Variants in SPP2 observed in about 807,000 individuals in gnomAD.
SPP2 encodes the protein secreted phosphoprotein 24.
A neutral mutation model predicts 28.8 loss-of-function variants in SPP2; 34 were observed. That is an observed-to-expected ratio of 1.18 (90% confidence interval 0.90 to 1.57). The LOEUF is 1.57. SPP2 is among the 40% of genes most tolerant of loss of function. The pLI is 0.00. For missense variants in SPP2, 269 were observed against 263.9 expected (o/e 1.02, Z -0.13); for synonymous variants, 96 against 89.4 (o/e 1.07, Z -0.42).
intron 4 of SPP2, among the ~76,000 whole-genome samples, chr2:234,063,909 G>C (rs938646585): frequency 6.6e-6 from 1 of 152,186 alleles, no homozygotes; most frequent in African/African-American, 2.4e-5. Context: ...TACGGGAGGG[G>C]TGACGGGCAT....
At chr2:234,062,541 G>C (rs1693740941) in intron 4 of SPP2, among the ~76,000 whole-genome samples, 1 of 151,646 alleles carries the variant, frequency 6.6e-6, no homozygotes, top group African/African-American at 2.4e-5. Context: ...AAGACAAAGG[G>C]GCTATGAAAG....
intron 2 of SPP2, among the ~76,000 whole-genome samples, chr2:234,057,291 A>G (rs555325748): frequency 9.2e-5 from 14 of 151,994 alleles, no homozygotes; most frequent in Admixed American, 5.9e-4. Context: ...GACACGCTCC[A>G]TCTCTCCAAA....
chr2:234,063,643 C>G (rs906484319), intron 4 of SPP2, among the ~76,000 whole-genome samples: 4 of 152,078 alleles, frequency 2.6e-5, no homozygotes, highest in Non-Finnish European at 5.9e-5. Context: ...AAAAGCTTTC[C>G]TTATGGTGCA....
intron 6 of SPP2, 32 bp downstream of exon 6, chr2:234,067,306 A>T (rs1487383810): frequency 6.2e-7 from 1 of 1,609,452 alleles, no homozygotes; most frequent in Non-Finnish European, 8.5e-7. Context: ...GTGCCACCAG[A>T]CCCTTTTCTG....
chr2:234,063,042 C>T (rs192820303), intron 4 of SPP2, among the ~76,000 whole-genome samples: 65 of 151,988 alleles, frequency 4.3e-4, no homozygotes, highest in African/African-American at 1.6e-3. Context: ...AAAAATTCTA[C>T]AATTTGAAAG....
chr2:234,068,432 G>T (rs1019582302), intron 6 of SPP2, among the ~76,000 whole-genome samples: 1 of 152,144 alleles, frequency 6.6e-6, no homozygotes, highest in Non-Finnish European at 1.5e-5. Context: ...GAAGAACTGC[G>T]AAATCCACCT....
intron 6 of SPP2, among the ~76,000 whole-genome samples, chr2:234,069,190 G>A (rs1476465847): frequency 8.3e-6 from 1 of 121,172 alleles, no homozygotes; most frequent in East Asian, 2.4e-4. Flanking sequence ...TTATTTGAGA[G>A]AAAGAGAGAG....
chr2:234,060,360 C>G lies in SPP2; in HGVS notation c.334-9C>G. ...CTGAAGAGAGAACTCACCCCTTTGT[C>G]TTTTCCAGTCCACAGCTGTTTGCAG... is the stretch of plus-strand genomic sequence containing the variant. On this transcript the variant is annotated splice_polypyrimidine_tract_variant and intron_variant, in intron 3 of 7. Transcript: ENST00000168148. The G allele has an allele frequency of 6.2e-7, 1 of 1,609,862 alleles. No homozygotes were observed. Among genetic ancestry groups the G allele is most frequent in the Non-Finnish European group, 8.5e-7 (1 of 1,176,362 alleles).
intron 2 of SPP2, among the ~76,000 whole-genome samples, chr2:234,054,865 G>A (rs1675022556): frequency 6.6e-6 from 1 of 152,092 alleles, no homozygotes; most frequent in African/African-American, 2.4e-5. Context: ...ATAGATTTGA[G>A]GTACATTTGG....
At chr2:234,075,250 C>T (rs1469986847) in intron 7 of SPP2, among the ~76,000 whole-genome samples, 2 of 152,172 alleles carry the variant, frequency 1.3e-5, no homozygotes, top group East Asian at 1.9e-4. Context: ...TTCACAAATA[C>T]AGCATCTGTG....
intron 2 of SPP2, among the ~76,000 whole-genome samples, chr2:234,052,171 T>C (rs3771332): frequency 0.18 from 27,140 of 152,148 alleles, 2,881 homozygotes; most frequent in South Asian, 0.4. Flanking sequence ...TCCAGAATCA[T>C]GGCCAGAGTG....
intron 2 of SPP2, among the ~76,000 whole-genome samples, chr2:234,057,440 GC>G (rs1693631815): frequency 1.3e-5 from 2 of 152,188 alleles, no homozygotes; most frequent in African/African-American, 4.8e-5. Context: ...GTTTAAATTT[GC>G]CTTCCTTGGG....
intron 2 of SPP2, among the ~76,000 whole-genome samples, chr2:234,055,498 T>C (rs1253411041): frequency 6.6e-6 from 1 of 152,246 alleles, no homozygotes; most frequent in South Asian, 2.1e-4. Context: ...CTGGGCACCA[T>C]GGTTCAGTCA....
At chr2:234,061,558 A>C (rs866047561) in intron 4 of SPP2, among the ~76,000 whole-genome samples, 13 of 152,310 alleles carry the variant, frequency 8.5e-5, no homozygotes, top group Middle Eastern at 3.4e-3. Context: ...TCAGTTTTTC[A>C]AGATTTAACT....
chr2:234,058,255 G>C (rs994194440), intron 2 of SPP2, among the ~76,000 whole-genome samples: 2 of 152,022 alleles, frequency 1.3e-5, no homozygotes, highest in Admixed American at 6.6e-5. Context: ...ACCAGGCTTG[G>C]GGGCCATCAT....
At chr2:234,059,080 T>TGTGGA in intron 3 of SPP2, 122 bp downstream of exon 3, 1 of 1,153,376 alleles carries the variant, frequency 8.7e-7, no homozygotes, top group South Asian at 2.0e-5. Context: ...ACTGCTAACA[T>TGTGGA]GTGGACATTG....
intron 4 of SPP2, among the ~76,000 whole-genome samples, chr2:234,061,115 C>A (rs2125458331): frequency 6.6e-6 from 1 of 152,268 alleles, no homozygotes; most frequent in Admixed American, 6.5e-5. Flanking sequence ...CAATGGATGG[C>A]AGGACCCTTA....
rs6716659 is a variant in SPP2, at chr2:234,070,014, C to T, written c.*1C>T. On this transcript the variant is annotated 3_prime_UTR_variant, in exon 7 of 8. Transcript: ENST00000168148. ...AAGAATAAATACTGACTTTGAGTAACGGCCTTGAGGTAAGAAAATGCAGGT... is the reference window on the plus strand; with the variant it reads ...AAGAATAAATACTGACTTTGAGTAATGGCCTTGAGGTAAGAAAATGCAGGT... 0.033 allele frequency: 53,846 copies of T among 1,611,774 alleles called. 1,328 individuals carry two copies. Among genetic ancestry groups the T allele is most frequent in the African/African-American group, 0.12 (9,242 of 74,888 alleles).
chr2:234,055,261 A>C (rs7608191), intron 2 of SPP2, among the ~76,000 whole-genome samples: 51,756 of 151,968 alleles, frequency 0.34, 9,066 homozygotes, highest in South Asian at 0.5. Context: ...AGCAGGCTGG[A>C]GATTCAGGGA....
Sources: allele counts gnomAD v4.1 joint callset (sites outside exome capture counted in the v4.1 genomes callset), GRCh38; gene constraint gnomAD v4.1.1; transcripts MANE v1.5; gene names NCBI Gene and HGNC (gene_info 2026-07-23, HGNC 2026-07-21).